The following GRAMD1B variants were observed in gnomAD, a reference collection of about 807,000 sequenced individuals.
The protein encoded by GRAMD1B is GRAM domain containing 1B.
GRAMD1B carries 37 observed loss-of-function variants against 99.7 expected under a neutral mutation model. That is an observed-to-expected ratio of 0.37 (90% CI 0.29 to 0.49). The LOEUF (loss-of-function observed/expected upper bound fraction) is 0.49. Among genes scored for constraint, GRAMD1B ranks in the 20% least tolerant of loss-of-function variants. The pLI, the probability that GRAMD1B is intolerant of heterozygous loss-of-function variation, is 0.98. For synonymous variants in GRAMD1B, 427 were observed against 387.6 expected (o/e 1.10, Z -1.19); for missense variants, 888 against 1,009.2 (o/e 0.88, Z 1.63).
chr11:123,451,555 C>T (rs933930861), intron 1 of GRAMD1B, among the ~76,000 whole-genome samples: 3 of 152,124 alleles, frequency 2.0e-5, no homozygotes, highest in African/African-American at 7.2e-5. Flanking sequence ...GGAAATGAAA[C>T]ATAAAGACCA....
chr11:123,499,958 C>G (rs779250661), intron 2 of GRAMD1B, among the ~76,000 whole-genome samples: 30 of 152,176 alleles, frequency 2.0e-4, no homozygotes, highest in Admixed American at 5.9e-4. Context: ...TGAAACAGAT[C>G]TATTGTCTGT....
At chr11:123,616,042 G>A (rs972365880) in intron 17 of GRAMD1B, among the ~76,000 whole-genome samples, 4 of 152,162 alleles carry the variant, frequency 2.6e-5, no homozygotes, top group African/African-American at 7.2e-5. Context: ...AGTAACTGTT[G>A]GCTGGGCGCG....
At chr11:123,442,596 C>T (rs1169975034) in intron 1 of GRAMD1B, among the ~76,000 whole-genome samples, 2 of 152,174 alleles carry the variant, frequency 1.3e-5, no homozygotes, top group East Asian at 1.9e-4. Flanking sequence ...ATGGCAAAAC[C>T]CCGTCTCTAC....
chr11:123,577,152 G>A (rs2136226346), intron 2 of GRAMD1B, among the ~76,000 whole-genome samples: 1 of 152,336 alleles, frequency 6.6e-6, no homozygotes, highest in South Asian at 2.1e-4. Context: ...GTGCGTCTGT[G>A]TCCACATGGG....
At chr11:123,546,881 A>G (rs1945085195) in intron 2 of GRAMD1B, among the ~76,000 whole-genome samples, 1 of 151,820 alleles carries the variant, frequency 6.6e-6, no homozygotes, top group Admixed American at 6.6e-5. Context: ...GAAGCTGCAC[A>G]GGGCCATTTC....
In GRAMD1B at chr11:123,610,599, G is replaced by A. The variant is rs1273104292; in HGVS notation, c.1919+261G>A. Among the ~76,000 whole-genome samples, 1 of 152,174 alleles carries A rather than the reference G, an allele frequency of 6.6e-6. No individual in the cohort carries two copies. Among genetic ancestry groups the A allele is most frequent in the Non-Finnish European group, 1.5e-5 (1 of 68,034 alleles). ...TCTGTGGCTTATACAGTATAGTGTA[G>A]GCGCTTTACCTACATTCACTGGAGT... On this transcript the variant is annotated intron_variant, in intron 14 of 19. Coordinates refer to ENST00000635736, the MANE Select transcript of GRAMD1B (RefSeq NM_001387025.1). The surrounding 1 kb of genome is among the most constrained non-coding windows in gnomAD (Gnocchi z 4.1).
At chr11:123,470,010 G>T (rs1033560559) in intron 1 of GRAMD1B, among the ~76,000 whole-genome samples, 21 of 152,254 alleles carry the variant, frequency 1.4e-4, no homozygotes, top group Non-Finnish European at 2.9e-5. Flanking sequence ...GGGAATGCGA[G>T]AAAATAACAA....
At chr11:123,377,696 G>A (rs753802098) in intron 1 of GRAMD1B, among the ~76,000 whole-genome samples, 9 of 152,338 alleles carry the variant, frequency 5.9e-5, no homozygotes, top group Middle Eastern at 3.4e-3. Context: ...CTTCCTGCAA[G>A]TAACATTCAG....
intron 1 of GRAMD1B, among the ~76,000 whole-genome samples, chr11:123,457,183 C>T (rs12574068): frequency 0.37 from 52,173 of 140,154 alleles, 10,642 homozygotes; most frequent in African/African-American, 0.52. Context: ...TGTGAAGTAT[C>T]GGCTCATGAT....
intron 1 of GRAMD1B, among the ~76,000 whole-genome samples, chr11:123,364,594 C>G (rs1475880967): frequency 6.6e-6 from 1 of 152,152 alleles, no homozygotes; most frequent in Non-Finnish European, 1.5e-5. Flanking sequence ...TTTTTATGCA[C>G]GTTGAGGAAG....
At chr11:123,601,507 T>A (rs1267045309) in intron 8 of GRAMD1B, among the ~76,000 whole-genome samples, 1 of 125,062 alleles carries the variant, frequency 8.0e-6, no homozygotes, top group African/African-American at 3.1e-5. Flanking sequence ...CCCCCAGGAT[T>A]AATTTTTATG....
At chr11:123,609,268 G>T (rs531140147) in intron 12 of GRAMD1B, among the ~76,000 whole-genome samples, 1 of 152,242 alleles carries the variant, frequency 6.6e-6, no homozygotes, top group Admixed American at 6.5e-5. Flanking sequence ...GCTAGGCCGG[G>T]CCTCACATCT....
At chr11:123,403,790 C>T (rs756972644) in intron 1 of GRAMD1B, among the ~76,000 whole-genome samples, 3 of 151,956 alleles carry the variant, frequency 2.0e-5, no homozygotes, top group Admixed American at 6.6e-5. Flanking sequence ...GTGATCTGCC[C>T]GCCTTGGCCT....
intron 19 of GRAMD1B, among the ~76,000 whole-genome samples, chr11:123,622,267 C>T (rs565093410): frequency 2.0e-5 from 3 of 152,306 alleles, no homozygotes; most frequent in African/African-American, 4.8e-5. Context: ...AAGTGATCCT[C>T]CCACCTCTGC....
intron 1 of GRAMD1B, among the ~76,000 whole-genome samples, chr11:123,376,494 T>A (rs1468211786): frequency 6.6e-6 from 1 of 152,222 alleles, no homozygotes; most frequent in East Asian, 1.9e-4. Context: ...TTTTCAGGCA[T>A]CCTACTTTTA....
intron 1 of GRAMD1B, among the ~76,000 whole-genome samples, chr11:123,447,761 CCTAT>C (rs1367836966): frequency 1.3e-5 from 2 of 152,144 alleles, no homozygotes; most frequent in Non-Finnish European, 2.9e-5. Flanking sequence ...GACATTTGTG[CCTAT>C]CTATGAGGCC....
intron 2 of GRAMD1B, among the ~76,000 whole-genome samples, chr11:123,514,213 C>G (rs1429203495): frequency 6.6e-6 from 1 of 152,138 alleles, no homozygotes; most frequent in Non-Finnish European, 1.5e-5. Context: ...CTGGGCAGTT[C>G]ATAAAGGGCT....
chr11:123,489,820 A>C (rs1938331466), intron 2 of GRAMD1B, among the ~76,000 whole-genome samples: 1 of 152,246 alleles, frequency 6.6e-6, no homozygotes, highest in Non-Finnish European at 1.5e-5. Context: ...TGGTATCTCA[A>C]GGCTGAGAAT....
intron 2 of GRAMD1B, among the ~76,000 whole-genome samples, chr11:123,514,057 G>C (rs1941430976): frequency 6.6e-6 from 1 of 152,196 alleles, no homozygotes; most frequent in Non-Finnish European, 1.5e-5. Context: ...AGTGGAGAGA[G>C]TTCAGTATGG....
Sources: gnomAD v4.1 joint callset for allele counts (sites outside exome capture counted in the v4.1 genomes callset) on GRCh38, gnomAD v4.1.1 for gene constraint, Gnocchi (gnomAD v3.1) non-coding constraint, MANE v1.5 for transcripts, NCBI Gene and HGNC (gene_info 2026-07-23, HGNC 2026-07-21) for gene names.